Variants in ERCC5 observed in about 807,000 individuals in gnomAD.
The protein encoded by ERCC5 is ERCC excision repair 5, endonuclease, also known as DNA excision repair protein ERCC-5.
A neutral mutation model predicts 105.6 loss-of-function variants in ERCC5; 68 were observed. The ratio of observed to expected loss-of-function variants is 0.64; its 90% CI spans 0.53 to 0.79. ERCC5 has a LOEUF of 0.79. Among genes scored for constraint, ERCC5 ranks in the 30% least tolerant of loss-of-function variants. The probability of loss-of-function intolerance (pLI) is 0.00; values close to 1 mark genes in which losing one functional copy is unlikely to be tolerated. For missense variants in ERCC5, 1,373 were observed against 1,426.7 expected, an observed-to-expected ratio of 0.96 and a Z score of 0.61; for synonymous variants, 546 against 526.2, an observed-to-expected ratio of 1.04 and a Z score of -0.51.
Position 102,854,316 on chromosome 13 carries a change from G to A in ERCC5, c.409G>A (p.Val137Ile). The change falls in exon 4 of 15, where the codon GTT becomes ATT. Residue 137 changes from valine to isoleucine, a missense_variant. By Grantham distance (29) the Val-to-Ile change is conservative (BLOSUM62 3). Transcript: ENST00000652225. ...RDEALPSLTQVRRENDLYVLP... is the reference protein window; with the variant it reads ...RDEALPSLTQIRRENDLYVLP... Reference sequence around the variant, plus strand: ...TGAAGCACTACCCAGTCTTACCCAAGTTCGAAGAGAAAACGACCTCTATGT... The same window carrying A: ...TGAAGCACTACCCAGTCTTACCCAAATTCGAAGAGAAAACGACCTCTATGT... 3 of 1,614,182 alleles carry A rather than the reference G, an allele frequency of 1.9e-6. No individual in the cohort carries two copies. Among genetic ancestry groups the A allele is most frequent in the East Asian group, 2.2e-5 (1 of 44,878 alleles).
Position 102,856,032 on chromosome 13 carries a change from A to G in ERCC5, c.468-20A>G, listed in dbSNP as rs1882404557. The G allele has an allele frequency of 1.2e-6, 2 of 1,613,298 alleles. No homozygotes were observed. Among genetic ancestry groups the G allele is most frequent in the Non-Finnish European group, 1.7e-6 (2 of 1,179,350 alleles). ...GTCCTTAAAAATCATAGATATCGTA[A>G]AAGTATGTTTGACTTTCAGTTCAGA... On this transcript the variant is annotated intron_variant, in intron 4 of 14. Coordinates refer to ENST00000652225, the MANE Select transcript of ERCC5 (RefSeq NM_000123.4).
At chr13:102,859,384 G>A (rs1443994905) in intron 6 of ERCC5, among the ~76,000 whole-genome samples, 1 of 152,202 alleles carries the variant, frequency 6.6e-6, no homozygotes, top group African/African-American at 2.4e-5. Context: ...CACAAAGAAT[G>A]TGCAGTAGCA....
chr13:102,852,523 C>G (rs1184909319), intron 2 of ERCC5, among the ~76,000 whole-genome samples: 1 of 152,134 alleles, frequency 6.6e-6, no homozygotes, highest in Admixed American at 6.5e-5. Context: ...TTAAATAAAA[C>G]TAACTACTAA....
intron 2 of ERCC5, among the ~76,000 whole-genome samples, 164 bp downstream of exon 2, chr13:102,852,457 T>C (rs1882243326): frequency 1.3e-5 from 2 of 152,248 alleles, no homozygotes; most frequent in South Asian, 4.1e-4. Context: ...CAATTAATTT[T>C]TCTTTTAAAA....
rs766534607 is a variant in ERCC5 at position 102,846,257 on chromosome 13, C to T, written c.-10C>T. 1.4e-5 allele frequency: 23 copies of T among 1,611,580 alleles called. No individual in the cohort carries two copies. The highest frequency in any genetic ancestry group is 1.6e-4 in the Middle Eastern group (1 of 6,072). On this transcript the variant is annotated 5_prime_UTR_variant, in exon 1 of 15. Coordinates refer to ENST00000652225, the MANE Select transcript of ERCC5 (RefSeq NM_000123.4). Reference sequence around the variant, plus strand: ...GTTGTCGGGGTCCGCTCTTAGGACGCAGCCGCCTCATGGGGGTCCAGGGGC... The same window carrying T: ...GTTGTCGGGGTCCGCTCTTAGGACGTAGCCGCCTCATGGGGGTCCAGGGGC...
chr13:102,863,750 C>T (rs976811775), intron 8 of ERCC5, among the ~76,000 whole-genome samples: 7 of 152,066 alleles, frequency 4.6e-5, no homozygotes, highest in South Asian at 2.1e-4. Context: ...GCCTGGTTCC[C>T]GTGTTCTGAG....
Position 102,852,276 on chromosome 13 carries a change from T to C in ERCC5, c.247T>C (p.Leu83=), listed in dbSNP as rs1206516232. 7 of 1,614,022 alleles carry C rather than the reference T, an allele frequency of 4.3e-6. No individual in the cohort carries two copies. Among genetic ancestry groups the C allele is most frequent in the Non-Finnish European group, 5.9e-6 (7 of 1,180,028 alleles). The change falls in exon 2 of 15, where the codon TTG becomes CTG. Residue 83 remains leucine (L), a synonymous_variant. Coordinates refer to ENST00000652225, the MANE Select transcript of ERCC5 (RefSeq NM_000123.4). ...IFVFDGDAPL[L]KKQTLVKRRQ... is the part of the protein sequence containing the mutation. ...TGTGTTTGATGGGGATGCTCCACTA[T>C]TGAAGAAACAGACTTTGGTAAGTGT...
At chr13:102,868,916 A>T (rs2140535034) in intron 12 of ERCC5, among the ~76,000 whole-genome samples, 1 of 152,298 alleles carries the variant, frequency 6.6e-6, no homozygotes, top group South Asian at 2.1e-4. Flanking sequence ...TTTGTCCTTG[A>T]TGGCATCTTT....
In ERCC5 at chr13:102,875,597, T is replaced by C; in HGVS notation, c.3255T>C (p.Gly1085=). Residue 1085 remains glycine (G), a synonymous_variant, in exon 15 of 15, where the codon GGT becomes GGC. Transcript: ENST00000652225. ...LSDSKGKNTC[G]GFLGETCLSE... is the part of the protein sequence containing the mutation. ...ATTCTAAAGGAAAGAATACATGCGG[T>C]GGATTTTTGGGGGAGACCTGCCTCT... 1 of 1,613,480 alleles carries C rather than the reference T, an allele frequency of 6.2e-7. No homozygotes were observed. Among genetic ancestry groups the C allele is most frequent in the Non-Finnish European group, 8.5e-7 (1 of 1,179,740 alleles).
intron 1 of ERCC5, among the ~76,000 whole-genome samples, chr13:102,847,668 TTTTTG>T (rs748983939): frequency 1.6e-4 from 24 of 152,204 alleles, no homozygotes; most frequent in African/African-American, 3.1e-4. Context: ...AGCCAAAGGA[TTTTTG>T]TTTTGTTTTG....
intron 4 of ERCC5, among the ~76,000 whole-genome samples, chr13:102,855,471 G>A (rs1246341784): frequency 1.3e-5 from 2 of 152,018 alleles, no homozygotes; most frequent in Non-Finnish European, 2.9e-5. Flanking sequence ...GGCTGGTCTC[G>A]AACTCCTGAC....
At chr13:102,847,296 CATT>C (rs1180356118) in intron 1 of ERCC5, among the ~76,000 whole-genome samples, 1 of 133,690 alleles carries the variant, frequency 7.5e-6, no homozygotes, top group Non-Finnish European at 1.6e-5. Context: ...GTTATGTAGT[CATT>C]TTTTTTTTTT....
chr13:102,872,217 CA>C lies in ERCC5; in HGVS notation c.2705del (p.Asn902IlefsTer4). On this transcript the variant is annotated frameshift_variant, in exon 13 of 15. Coordinates refer to ENST00000652225, the MANE Select transcript of ERCC5 (RefSeq NM_000123.4). LOFTEE classifies it high-confidence loss of function. ...TTACAGAGAATGGTGGCATGAAGCT[CA>C]AAAAAATCCAAAGATAAGACCTAAT... ...LKFSEWWHEA[Q>X]KNPKIRPNPH... is the part of the protein sequence containing the mutation. 6.2e-7 allele frequency: 1 copy of C among 1,613,758 alleles called. No homozygotes were observed. The highest frequency in any genetic ancestry group is 8.5e-7 in the Non-Finnish European group (1 of 1,179,924).
chr13:102,857,091 C>G (rs908424440), intron 5 of ERCC5, among the ~76,000 whole-genome samples: 1 of 152,158 alleles, frequency 6.6e-6, no homozygotes, highest in South Asian at 2.1e-4. Context: ...AAACATTTTT[C>G]AAGTTTCTTA....
rs1423550074 is a variant in ERCC5 at position 102,873,743 on chromosome 13, G to A, written c.2964+400G>A. Reference sequence around the variant, plus strand: ...TTTTTAAATTCTATAAACGAATCTTGAAAGGTAGAAGTTCAGTCATTATTG... The same window carrying A: ...TTTTTAAATTCTATAAACGAATCTTAAAAGGTAGAAGTTCAGTCATTATTG... On this transcript the variant is annotated intron_variant, in intron 14 of 14. Coordinates refer to ENST00000652225, the MANE Select transcript of ERCC5 (RefSeq NM_000123.4). Among the ~76,000 whole-genome samples the A allele has an allele frequency of 2.0e-5, 3 of 152,140 alleles. No individual in the cohort carries two copies. The East Asian group carries it at 5.8e-4, about 29-fold the overall frequency.
Position 102,861,681 on chromosome 13 carries a change from T to A in ERCC5, c.847T>A (p.Ser283Thr). The A allele has an allele frequency of 6.2e-7, 1 of 1,614,164 alleles. No individual in the cohort carries two copies. The highest frequency in any genetic ancestry group is 1.1e-5 in the South Asian group (1 of 91,086). ...GGAGGTAGAGTCAAGGAGAGTGGTC[T>A]CTGAAGACACTTCACATTACATCTT... ...LKEVESRRVV[S>T]EDTSHYILIK... is the part of the protein sequence containing the mutation. The change falls in exon 7 of 15, where the codon TCT becomes ACT. Residue 283 changes from serine to threonine, a missense_variant. Physicochemically the swap from Ser to Thr is moderately conservative, Grantham distance 58 (BLOSUM62 1). Transcript: ENST00000652225.
chr13:102,860,383 A>G (rs1366448607), intron 6 of ERCC5, among the ~76,000 whole-genome samples: 2 of 152,242 alleles, frequency 1.3e-5, no homozygotes, highest in Non-Finnish European at 2.9e-5. Context: ...TGCAAAAGTC[A>G]TGACCTCAGC....
rs1491404558 is a variant in ERCC5 at position 102,864,165 on chromosome 13, C to CACACAA, written c.1954+1063_1954+1064insCACAAA. 5.5e-4 allele frequency among the ~76,000 whole-genome samples: 81 copies of CACACAA among 146,770 alleles called. 1 individual carries two copies. The highest frequency in any genetic ancestry group is 2.0e-3 in the African/African-American group (80 of 40,016). On this transcript the variant is annotated intron_variant, in intron 8 of 14. Coordinates refer to ENST00000652225, the MANE Select transcript of ERCC5 (RefSeq NM_000123.4). ...ACACACACACACACACACACACACA[C>CACACAA]AATTTGTTCCTGGTATCTGCTAGTT...
intron 14 of ERCC5, among the ~76,000 whole-genome samples, chr13:102,874,290 A>C (rs1359121793): frequency 6.6e-6 from 1 of 152,176 alleles, no homozygotes; most frequent in Non-Finnish European, 1.5e-5. Context: ...TAGGTTAAAA[A>C]ATTTTCCTGC....
Sources: allele counts gnomAD v4.1 joint callset (sites outside exome capture counted in the v4.1 genomes callset), GRCh38; gene constraint gnomAD v4.1.1; transcripts MANE v1.5; gene names NCBI Gene and HGNC (gene_info 2026-07-23, HGNC 2026-07-21).